The following KRT31 variants were observed in gnomAD, a reference collection of about 807,000 sequenced individuals.
KRT31 encodes keratin 31, also known as keratin, type I cuticular Ha1.
A neutral mutation model predicts 40.8 loss-of-function variants in KRT31; 27 were observed. That is an observed-to-expected ratio of 0.66 (90% CI 0.49 to 0.91). The LOEUF (loss-of-function observed/expected upper bound fraction) is 0.91, where lower values mean the gene tolerates loss of function less well. Ranked by LOEUF, KRT31 falls within the 40% of genes least tolerant of loss-of-function variation. The pLI is 0.00. For missense variants in KRT31, 510 were observed against 544.1 expected (o/e 0.94, Z 0.62); for synonymous variants, 231 against 231.9 (o/e 1.00, Z 0.03).
Position 41,394,051 on chromosome 17 carries a change from G to A in KRT31, c.1216C>T (p.Pro406Ser). 6 of 1,613,592 alleles carry A rather than the reference G, an allele frequency of 3.7e-6. No homozygotes were observed. The highest frequency in any genetic ancestry group is 5.1e-6 in the Non-Finnish European group (6 of 1,179,788). Residue 406 changes from proline (P) to serine (S), a missense_variant, in exon 7 of 7, where the codon CCC (proline) becomes TCC (serine). Coordinates refer to ENST00000251645, the MANE Select transcript of KRT31 (RefSeq NM_002277.3). ...PAPCTPCAPR[P>S]RCGPCNSFVR Reference sequence around the variant, plus strand: ...AAGGAATTGCAGGGCCCACAGCGGGGGCGTGGGGCACAGGGTGTGCAGGGG... The same window carrying A: ...AAGGAATTGCAGGGCCCACAGCGGGAGCGTGGGGCACAGGGTGTGCAGGGG...
rs2269820 is a variant in KRT31 at position 41,393,766 on chromosome 17, C to G, written c.*250G>C. 0.85 allele frequency: 412,519 copies of G among 485,800 alleles called. 176,040 individuals are homozygous for G. Among genetic ancestry groups the G allele is most frequent in the African/African-American group, 0.97 (47,809 of 49,320 alleles). The allele number at this position is 485,800 out of a possible 1,614,324, so 30.1% of individuals were successfully genotyped here. A position where few individuals can be genotyped will look rare whatever the true frequency, so the allele number is the denominator to read the frequency against. ...ATTTATTAGGAGGTTAAAAGGGAGG[C>G]CCACTGGCACATCAGAGAGTTCTCT... On this transcript the variant is annotated 3_prime_UTR_variant, in exon 7 of 7. Coordinates refer to ENST00000251645, the MANE Select transcript of KRT31 (RefSeq NM_002277.3).
At chr17:41,395,146 A>G in intron 5 of KRT31, 78 bp from the exon 6 acceptor site, 2 of 1,608,316 alleles carry the variant, frequency 1.2e-6, no homozygotes, top group Admixed American at 3.3e-5. Context: ...GGAAGTCACA[A>G]GCTCCAAGAG....
rs528644388 is a variant in KRT31, at chr17:41,395,268, C to T, written c.853G>A (p.Glu285Lys). 1.4e-5 allele frequency: 22 copies of T among 1,612,822 alleles called. No individual in the cohort carries two copies. The South Asian group carries it at 1.6e-4, about 12-fold the overall frequency. The part of the protein sequence containing the change: ...LRRTVNALEI[E>K]LQAQHNLRDS... ...ACCAGGTTGTGCTGGGCCTGCAGCT[C>T]GATCTCCAGGGCGTTGACTGTGCGT... Residue 285 changes from glutamate to lysine, a missense_variant, in exon 5 of 7, where the codon GAG becomes AAG. Transcript: ENST00000251645.
At position 41,393,794 on chromosome 17, in the gene KRT31, G is replaced by T. The variant is rs1438542412; in HGVS notation, c.*222C>A. ...ACTGGCACATCAGAGAGTTCTCTGGGTGAGCATAGGAAGGAACAGACCCCC... is the reference window on the plus strand; with the variant it reads ...ACTGGCACATCAGAGAGTTCTCTGGTTGAGCATAGGAAGGAACAGACCCCC... On this transcript the variant is annotated 3_prime_UTR_variant, in exon 7 of 7. Transcript: ENST00000251645. The T allele has an allele frequency of 2.3e-5, 12 of 520,356 alleles. No homozygotes were observed. The highest frequency in any genetic ancestry group is 3.7e-5 in the Non-Finnish European group (11 of 300,374). The allele number at this position is 520,356 out of a possible 1,614,324, so 32.2% of individuals were successfully genotyped here.
chr17:41,395,347 C>T lies in KRT31; in HGVS notation c.774G>A (p.Val258=), dbSNP rs374086824. Residue 258 remains valine (V), a synonymous_variant, in exon 5 of 7, where the codon GTG becomes GTA. Coordinates refer to ENST00000251645, the MANE Select transcript of KRT31 (RefSeq NM_002277.3). ...TTQTEELNKQ[V]VSSSEQLQSY... ...ACTGCAGCTGCTCTGAGCTGGATAC[C>T]ACCTGCTTGTTCAGCTCCTCGGTCT... 279 of 1,614,032 alleles carry T rather than the reference C, an allele frequency of 1.7e-4. 4 individuals are homozygous for T. In the Middle Eastern group the frequency reaches 8.8e-3, roughly 51 times the overall value.
At chr17:41,396,633 G>T (rs550672616) in intron 2 of KRT31, 57 bp from the exon 3 acceptor site, 14 of 1,566,164 alleles carry the variant, frequency 8.9e-6, no homozygotes, top group Non-Finnish European at 1.1e-5. Context: ...TCACAGGAAT[G>T]ATTTTTGATA....
At chr17:41,395,428 T>A in intron 4 of KRT31, 34 bp downstream of exon 4, 1 of 1,613,974 alleles carries the variant, frequency 6.2e-7, no homozygotes, top group East Asian at 2.2e-5. Context: ...TGGGGGGCCT[T>A]GGGTCCTGAG....
Position 41,397,328 on chromosome 17 carries a change from A to C in KRT31, c.212T>G (p.Leu71Arg). The change falls in exon 1 of 7, where the codon CTG becomes CGG. Residue 71 changes from leucine (L) to arginine (R), a missense_variant. Coordinates refer to ENST00000251645, the MANE Select transcript of KRT31 (RefSeq NM_002277.3). ...QFLNDRLASY[L>R]EKVRQLERDN... ...CCGCTCCAGCTGACGCACTTTCTCC[A>C]GGTAGCTGGCCAGGCGGTCGTTCAG... The C allele has an allele frequency of 1.2e-6, 2 of 1,614,074 alleles. No homozygotes were observed. Among genetic ancestry groups the C allele is most frequent in the Non-Finnish European group, 1.7e-6 (2 of 1,180,052 alleles).
chr17:41,394,698 G>A, intron 6 of KRT31, 150 bp downstream of exon 6: 2 of 1,385,500 alleles, frequency 1.4e-6, no homozygotes, highest in East Asian at 4.9e-5. Flanking sequence ...TGTTTTAAAT[G>A]ATGGCCATAT....
chr17:41,394,994 C>A lies in KRT31; in HGVS notation c.951G>T (p.Leu317=). The A allele has an allele frequency of 6.2e-7, 1 of 1,614,252 alleles. No homozygotes were observed. The highest frequency in any genetic ancestry group is 2.2e-5 in the East Asian group (1 of 44,882). ...YSSQLSQVQS[L]ITNVESQLAE... is the part of the protein sequence containing the mutation. ...CCAGCTGGGACTCCACGTTGGTGATCAGGCTCTGCACCTGGGACAGCTGGG... is the reference window on the plus strand; with the variant it reads ...CCAGCTGGGACTCCACGTTGGTGATAAGGCTCTGCACCTGGGACAGCTGGG... Residue 317 remains leucine, a synonymous_variant, in exon 6 of 7, where the codon CTG becomes CTT. Coordinates refer to ENST00000251645, the MANE Select transcript of KRT31 (RefSeq NM_002277.3).
At position 41,394,849 on chromosome 17, in the gene KRT31, T is replaced by G; in HGVS notation, c.1096A>C (p.Asn366His). ...AAACACGTCTGCCCATGTACTCACT[T>G]GCAGTCCTCGCTCTCCAGCAGGCTC... ...YRSLLESEDC[N>H]LPSNPCATTN... is the part of the protein sequence containing the mutation. Residue 366 changes from asparagine (N) to histidine (H), a missense_variant and splice_region_variant, in exon 6 of 7, where the codon AAT becomes CAT. Asn to His is a moderately conservative substitution (Grantham distance 68). Coordinates refer to ENST00000251645, the MANE Select transcript of KRT31 (RefSeq NM_002277.3). 6.2e-7 allele frequency: 1 copy of G among 1,614,116 alleles called. No individual in the cohort carries two copies. The highest frequency in any genetic ancestry group is 1.1e-5 in the South Asian group (1 of 91,076).
chr17:41,394,835 C>T lies in KRT31; in HGVS notation c.1097+13G>A. ...TGCATCATTTCATCAAACACGTCTG[C>T]CCATGTACTCACTTGCAGTCCTCGC... On this transcript the variant is annotated intron_variant, in intron 6 of 6. Coordinates refer to ENST00000251645, the MANE Select transcript of KRT31 (RefSeq NM_002277.3). The T allele has an allele frequency of 6.2e-7, 1 of 1,613,912 alleles. No individual in the cohort carries two copies. The highest frequency in any genetic ancestry group is 8.5e-7 in the Non-Finnish European group (1 of 1,179,888).
Position 41,397,349 on chromosome 17 carries a change from T to A in KRT31, c.191A>T (p.Asn64Ile), listed in dbSNP as rs1272865048. ...GSEKETMQFL[N>I]DRLASYLEKV... ...CTCCAGGTAGCTGGCCAGGCGGTCG[T>A]TCAGGAACTGCATAGTCTCCTTCTC... The change falls in exon 1 of 7, where the codon AAC becomes ATC. Residue 64 changes from asparagine to isoleucine, a missense_variant. By Grantham distance (149) the Asn-to-Ile change is moderately radical. Coordinates refer to ENST00000251645, the MANE Select transcript of KRT31 (RefSeq NM_002277.3). 6.2e-7 allele frequency: 1 copy of A among 1,613,706 alleles called. No homozygotes were observed. Among genetic ancestry groups the A allele is most frequent in the Non-Finnish European group, 8.5e-7 (1 of 1,180,046 alleles).
In KRT31 at chr17:41,395,466, G is replaced by A. The variant is rs903755991; in HGVS notation, c.746C>T (p.Thr249Met). 6.8e-6 allele frequency: 11 copies of A among 1,614,044 alleles called. No individual in the cohort carries two copies. The highest frequency in any genetic ancestry group is 3.3e-5 in the Admixed American group (2 of 60,008). Residue 249 changes from threonine to methionine, a missense_variant, in exon 4 of 7, where the codon ACG becomes ATG. Physicochemically the swap from Thr to Met is moderately conservative, Grantham distance 81. Coordinates refer to ENST00000251645, the MANE Select transcript of KRT31 (RefSeq NM_002277.3). ...GCCACGTGCTTAGATGCCCACCTGC[G>A]TGGTGAACCATTGCTCCACTTCCCT... ...NRREVEQWFT[T>M]QTEELNKQVV...
rs2018224988 is a variant in KRT31 at position 41,396,280 on chromosome 17, A to G, written c.588+140T>C. ...ACATGAACAGGTCTTATCTCTCTCCAATTTTTCTCTTACCGTGATGTTTTC... is the reference window on the plus strand; with the variant it reads ...ACATGAACAGGTCTTATCTCTCTCCGATTTTTCTCTTACCGTGATGTTTTC... On this transcript the variant is annotated intron_variant, in intron 3 of 6. Coordinates refer to ENST00000251645, the MANE Select transcript of KRT31 (RefSeq NM_002277.3). The G allele has an allele frequency of 5.4e-6, 4 of 741,154 alleles. No individual in the cohort carries two copies. In the South Asian group the frequency reaches 9.0e-5, roughly 17 times the overall value. 45.9% of individuals were successfully genotyped at this position (741,154 alleles called of 1,614,324 possible). A position where few individuals can be genotyped will look rare whatever the true frequency, so the allele number is the denominator to read the frequency against.
chr17:41,395,710 C>T, intron 3 of KRT31, 87 bp from the exon 4 acceptor site: 1 of 1,470,364 alleles, frequency 6.8e-7, no homozygotes, highest in Non-Finnish European at 9.2e-7. Context: ...CCCTGTTAGT[C>T]TATTTTCTCG....
Position 41,396,509 on chromosome 17 carries a change from C to T in KRT31, c.499G>A (p.Asp167Asn), listed in dbSNP as rs1345477813. 1.6e-5 allele frequency: 26 copies of T among 1,614,212 alleles called. No homozygotes were observed. Among genetic ancestry groups the T allele is most frequent in the Non-Finnish European group, 2.2e-5 (26 of 1,180,036 alleles). ...TCGGACTTGCACAGGGTCAGCTCAT[C>T]CAGGATCCTGCGCAGACCGTTGATG... ...SDINGLRRILDELTLCKSDLE... is the reference protein window; with the variant it reads ...SDINGLRRILNELTLCKSDLE... The change falls in exon 3 of 7, where the codon GAT becomes AAT. Residue 167 changes from aspartate to asparagine, a missense_variant. By Grantham distance (23) the Asp-to-Asn change is conservative. Coordinates refer to ENST00000251645, the MANE Select transcript of KRT31 (RefSeq NM_002277.3).
chr17:41,394,961 G>A lies in KRT31; in HGVS notation c.984C>T (p.Ile328=). The change falls in exon 6 of 7, where the codon ATC becomes ATT. Residue 328 remains isoleucine, a synonymous_variant. Coordinates refer to ENST00000251645, the MANE Select transcript of KRT31 (RefSeq NM_002277.3). ...GGTTCTGCCGCTCCAGGTCACTGCG[G>A]ATCTCCGCCAGCTGGGACTCCACGT... ...ITNVESQLAE[I]RSDLERQNQE... 1 of 1,614,264 alleles carries A rather than the reference G, an allele frequency of 6.2e-7. No individual in the cohort carries two copies. Among genetic ancestry groups the A allele is most frequent in the Non-Finnish European group, 8.5e-7 (1 of 1,180,042 alleles).
In KRT31 at chr17:41,394,902, C is replaced by T. The variant is rs761666383; in HGVS notation, c.1043G>A (p.Arg348Gln). Residue 348 changes from arginine (R) to glutamine (Q), a missense_variant, in exon 6 of 7, where the codon CGG becomes CAG. Physicochemically the swap from Arg to Gln is conservative, Grantham distance 43. Coordinates refer to ENST00000251645, the MANE Select transcript of KRT31 (RefSeq NM_002277.3). ...GTATGTGTTGATCTCACACTCCAGCCGGGCACGCACATCCAGCAGCACCTG... is the reference window on the plus strand; with the variant it reads ...GTATGTGTTGATCTCACACTCCAGCTGGGCACGCACATCCAGCAGCACCTG... ...EYQVLLDVRA[R>Q]LECEINTYRS... 2.4e-5 allele frequency: 39 copies of T among 1,613,866 alleles called. No individual in the cohort carries two copies. The highest frequency in any genetic ancestry group is 1.6e-4 in the Middle Eastern group (1 of 6,078).
Sources: allele counts gnomAD v4.1 joint callset, GRCh38; gene constraint gnomAD v4.1.1; transcripts MANE v1.5; gene names NCBI Gene and HGNC (gene_info 2026-07-23, HGNC 2026-07-21).